Variants in DCDC1 observed in about 807,000 individuals in gnomAD.
The protein encoded by DCDC1 is doublecortin domain containing 1, also known as doublecortin domain-containing protein 1.
In DCDC1, 200 loss-of-function variants were observed where a neutral mutation model predicts 178.3. The ratio of observed to expected loss-of-function variants is 1.12; its 90% CI spans 1.00 to 1.26. The LOEUF (loss-of-function observed/expected upper bound fraction) is 1.26, where lower values mean the gene tolerates loss of function less well. Among genes scored for constraint, DCDC1 ranks in the 50% most tolerant of loss-of-function variants. The pLI is 0.00. For missense variants in DCDC1, 1,983 were observed against 1,749.2 expected, an observed-to-expected ratio of 1.13 and a Z score of -2.38; for synonymous variants, 690 against 604.8, an observed-to-expected ratio of 1.14 and a Z score of -2.07.
chr11:31,113,239 G>A (rs1959244120), intron 11 of DCDC1, among the ~76,000 whole-genome samples: 1 of 152,092 alleles, frequency 6.6e-6, no homozygotes, highest in East Asian at 1.9e-4. Context: ...ATTTTTTACT[G>A]CATTGTGTTT....
intron 38 of DCDC1, among the ~76,000 whole-genome samples, chr11:30,867,979 C>T (rs375064406): frequency 3.3e-5 from 5 of 152,164 alleles, no homozygotes; most frequent in African/African-American, 9.6e-5. Flanking sequence ...TGAGTCCCAG[C>T]CCAATATTCC....
At chr11:31,228,752 T>C (rs11031324) in intron 9 of DCDC1, among the ~76,000 whole-genome samples, 45,503 of 151,990 alleles carry the variant, frequency 0.3, 8,294 homozygotes, top group East Asian at 0.63. Context: ...TAATAAATAT[T>C]ATAAACATCT....
chr11:31,158,108 A>ATT (rs200308884), intron 9 of DCDC1, among the ~76,000 whole-genome samples: 9,206 of 151,890 alleles, frequency 0.061, 383 homozygotes, highest in East Asian at 0.24. Flanking sequence ...ATTTTATTTT[A>ATT]TTATATTTTT....
intron 1 of DCDC1, among the ~76,000 whole-genome samples, chr11:31,358,620 G>A (rs567871101): frequency 4.0e-4 from 61 of 152,122 alleles, no homozygotes; most frequent in Admixed American, 9.8e-4. Flanking sequence ...CTTCTGCACA[G>A]CAAAAGAAAC....
chr11:31,239,438 C>T (rs751661264), intron 9 of DCDC1, among the ~76,000 whole-genome samples: 1 of 151,898 alleles, frequency 6.6e-6, no homozygotes, highest in Admixed American at 6.6e-5. Context: ...TAAATTAAGT[C>T]TTAATATAAC....
rs1944511276 is a variant in DCDC1 at position 30,899,649 on chromosome 11, T to C, written c.4664-7A>G. 1 of 1,515,870 alleles carries C rather than the reference T, an allele frequency of 6.6e-7. No individual in the cohort carries two copies. The highest frequency in any genetic ancestry group is 8.8e-7 in the Non-Finnish European group (1 of 1,130,826). The allele number at this position is 1,515,870 out of a possible 1,614,324, so 93.9% of individuals were successfully genotyped here. Reference sequence around the variant, plus strand: ...TTTTCTGCTTTCTGCAAAGCTAGAATAATAAAAATACAAGATATTTTATCA... The same window carrying C: ...TTTTCTGCTTTCTGCAAAGCTAGAACAATAAAAATACAAGATATTTTATCA... On this transcript the variant is annotated splice_region_variant and splice_polypyrimidine_tract_variant and intron_variant, in intron 33 of 38. Transcript: ENST00000684477.
chr11:31,075,503 C>T (rs1956812612), intron 18 of DCDC1, among the ~76,000 whole-genome samples: 1 of 152,128 alleles, frequency 6.6e-6, no homozygotes, highest in Admixed American at 6.5e-5. Context: ...TAATAATTTA[C>T]ATTTCCACCA....
intron 8 of DCDC1, among the ~76,000 whole-genome samples, chr11:31,249,378 C>T (rs1025391727): frequency 5.3e-5 from 8 of 152,096 alleles, no homozygotes; most frequent in African/African-American, 1.9e-4. Context: ...GCCATTAAAA[C>T]ACTTTTAAAA....
chr11:30,944,180 G>T, intron 21 of DCDC1: 1 of 365,836 alleles, frequency 2.7e-6, no homozygotes, highest in South Asian at 2.2e-5. Flanking sequence ...AACTTTTTCT[G>T]TGAGTTTCTT....
At chr11:31,346,963 CA>C (rs1238827222) in intron 1 of DCDC1, among the ~76,000 whole-genome samples, 1 of 152,118 alleles carries the variant, frequency 6.6e-6, no homozygotes, top group African/African-American at 2.4e-5. Flanking sequence ...ACATTCATAG[CA>C]TATCAGAAAT....
chr11:31,073,943 C>T (rs146484181), intron 18 of DCDC1, among the ~76,000 whole-genome samples: 19 of 152,132 alleles, frequency 1.2e-4, no homozygotes, highest in South Asian at 4.1e-4. Context: ...CAAGTTGTGA[C>T]GTAATTCTAG....
chr11:31,060,614 A>G (rs1480746526), intron 20 of DCDC1, among the ~76,000 whole-genome samples: 1 of 152,138 alleles, frequency 6.6e-6, no homozygotes, highest in Non-Finnish European at 1.5e-5. Context: ...TTTAGTCCAA[A>G]TATTCTTAAT....
intron 20 of DCDC1, among the ~76,000 whole-genome samples, chr11:30,962,200 C>T (rs1287136968): frequency 3.9e-5 from 6 of 152,040 alleles, no homozygotes; most frequent in South Asian, 2.1e-4. Flanking sequence ...CCAAAATTTA[C>T]AAAGATCAAG....
At chr11:30,955,126 C>A (rs1412205640) in intron 20 of DCDC1, among the ~76,000 whole-genome samples, 1 of 152,164 alleles carries the variant, frequency 6.6e-6, no homozygotes, top group Non-Finnish European at 1.5e-5. Context: ...TGGTCTACCT[C>A]CAAGAACCCG....
chr11:30,930,764 T>C (rs1385227365), intron 22 of DCDC1, among the ~76,000 whole-genome samples: 1 of 152,184 alleles, frequency 6.6e-6, no homozygotes, highest in East Asian at 1.9e-4. Context: ...AAATTTTGTG[T>C]TAACTTTGGG....
At position 31,110,126 on chromosome 11, in the gene DCDC1, C is replaced by T; in HGVS notation, c.1587+134G>A. 5.3e-6 allele frequency: 3 copies of T among 565,470 alleles called. No homozygotes were observed. In the South Asian group the frequency reaches 7.3e-5, roughly 14 times the overall value. 35.0% of individuals were successfully genotyped at this position (565,470 alleles called of 1,614,324 possible). A position where few individuals can be genotyped will look rare whatever the true frequency, so the allele number is the denominator to read the frequency against. On this transcript the variant is annotated intron_variant, in intron 12 of 38. Coordinates refer to ENST00000684477, the MANE Select transcript of DCDC1 (RefSeq NM_001387274.1). ...AAGCCTAAGAAATTCAGAAGTAAAT[C>T]TTTGTGATATCAGTCTTTACAGATC...
chr11:31,179,048 A>G (rs75997849), intron 9 of DCDC1, among the ~76,000 whole-genome samples: 7,927 of 152,238 alleles, frequency 0.052, 553 homozygotes, highest in African/African-American at 0.14. Flanking sequence ...AAGAGAATAT[A>G]AAAACGGCTG....
At chr11:31,358,941 C>T (rs1381856256) in intron 1 of DCDC1, among the ~76,000 whole-genome samples, 1 of 152,162 alleles carries the variant, frequency 6.6e-6, no homozygotes, top group Admixed American at 6.5e-5. Context: ...ACAACAGGTG[C>T]TAGAGAGGAT....
Position 30,922,584 on chromosome 11 carries a change from G to T in DCDC1, c.3052C>A (p.Gln1018Lys). 6.3e-7 allele frequency: 1 copy of T among 1,586,252 alleles called. No individual in the cohort carries two copies. Among genetic ancestry groups the T allele is most frequent in the Non-Finnish European group, 8.5e-7 (1 of 1,170,406 alleles). The change falls in exon 24 of 39, where the codon CAA becomes AAA. Residue 1018 changes from glutamine (Q) to lysine (K), a missense_variant. Gln to Lys is a moderately conservative substitution (Grantham distance 53). Coordinates refer to ENST00000684477, the MANE Select transcript of DCDC1 (RefSeq NM_001387274.1). ...WINPDLSIAQ[Q>K]KKQIFLRNLE... ...TTCCTCAGGAATATTTGTTTCTTTT[G>T]CTGAGCAATGGACAGGTCAGGATTG...
Sources: allele counts gnomAD v4.1 joint callset (sites outside exome capture counted in the v4.1 genomes callset), GRCh38; gene constraint gnomAD v4.1.1; transcripts MANE v1.5; gene names NCBI Gene and HGNC (gene_info 2026-07-23, HGNC 2026-07-21).